The following CRADD variants were observed in gnomAD, a reference collection of about 807,000 sequenced individuals.
The protein encoded by CRADD is death domain-containing protein CRADD.
In CRADD, 9 loss-of-function variants were observed where a neutral mutation model predicts 15.5. That is an observed-to-expected ratio of 0.58 (90% confidence interval 0.35 to 1.01). The LOEUF is 1.01. CRADD is among the 50% of genes least tolerant of loss of function. The pLI, the probability that CRADD is intolerant of heterozygous loss-of-function variation, is 0.02. For synonymous variants in CRADD, 118 were observed against 107.6 expected, an observed-to-expected ratio of 1.10 and a Z score of -0.60; for missense variants, 227 against 250.3, an observed-to-expected ratio of 0.91 and a Z score of 0.63.
chr12:93,829,609 A>C (rs1159205019), intron 2 of CRADD, among the ~76,000 whole-genome samples: 7 of 152,210 alleles, frequency 4.6e-5, no homozygotes, highest in Non-Finnish European at 1.0e-4. Flanking sequence ...CATTGCTACC[A>C]CTGTGCAGCC....
chr12:93,849,985 G>A lies in CRADD; in HGVS notation c.314G>A (p.Gly105Glu). Residue 105 changes from glycine to glutamate, a missense_variant, in exon 3 of 3, where the codon GGG (glycine) becomes GAG (glutamate). By Grantham distance (98) the Gly-to-Glu change is moderately conservative. Transcript: ENST00000332896. Reference protein sequence around the residue: ...TDLPAGDRLTGIPSHILNSSP... With the variant: ...TDLPAGDRLTEIPSHILNSSP... ...TCCTCCTCAGGTGACAGATTGACTG[G>A]GATCCCCTCGCACATCCTCAACAGC... 2 of 1,604,250 alleles carry A rather than the reference G, an allele frequency of 1.2e-6. No homozygotes were observed. Among genetic ancestry groups the A allele is most frequent in the African/African-American group, 2.7e-5 (2 of 74,766 alleles).
At chr12:93,746,718 T>G (rs1384400103) in intron 2 of CRADD, among the ~76,000 whole-genome samples, 3 of 152,156 alleles carry the variant, frequency 2.0e-5, no homozygotes, top group Non-Finnish European at 1.5e-5. Context: ...AGGTTAAATC[T>G]GAATAAATAC....
intron 2 of CRADD, among the ~76,000 whole-genome samples, chr12:93,748,470 G>A (rs1008370351): frequency 1.3e-5 from 2 of 152,116 alleles, no homozygotes; most frequent in African/African-American, 4.8e-5. Context: ...ACCACACCAG[G>A]CTAATTTTGT....
intron 2 of CRADD, among the ~76,000 whole-genome samples, chr12:93,875,647 C>A (rs1565946113): frequency 6.6e-6 from 1 of 152,040 alleles, no homozygotes; most frequent in Admixed American, 6.6e-5. Flanking sequence ...CTGATACCAA[C>A]ACTGTTTGCA....
intron 2 of CRADD, chr12:93,849,118 G>A (rs910463380): frequency 7.2e-5 from 11 of 152,190 alleles, no homozygotes; most frequent in African/African-American, 1.2e-4. Context: ...CAACCTCATC[G>A]GCGAGGGTAG....
chr12:93,885,756 G>A (rs1360581783), intron 2 of CRADD, among the ~76,000 whole-genome samples: 1 of 152,128 alleles, frequency 6.6e-6, no homozygotes, highest in Non-Finnish European at 1.5e-5. Context: ...ATCTCTGTAG[G>A]GGCCAGGCAC....
chr12:93,746,045 G>A (rs1005907655), intron 2 of CRADD, among the ~76,000 whole-genome samples: 1 of 152,258 alleles, frequency 6.6e-6, no homozygotes, highest in African/African-American at 2.4e-5. Context: ...GGATGAATAG[G>A]GTTAGGGCAA....
chr12:93,780,342 G>T (rs1444552061), intron 2 of CRADD, among the ~76,000 whole-genome samples: 1 of 152,214 alleles, frequency 6.6e-6, no homozygotes, highest in Admixed American at 6.5e-5. Flanking sequence ...ACTGAGTACT[G>T]TAAAAGAGAA....
chr12:93,878,243 G>T (rs181596798), intron 2 of CRADD, among the ~76,000 whole-genome samples: 1 of 152,276 alleles, frequency 6.6e-6, no homozygotes, highest in African/African-American at 2.4e-5. Flanking sequence ...CTGGGGAGTG[G>T]GTCCCTCCTG....
intron 2 of CRADD, among the ~76,000 whole-genome samples, chr12:93,793,898 A>G (rs1318342629): frequency 1.3e-5 from 2 of 151,662 alleles, no homozygotes; most frequent in African/African-American, 2.4e-5. Context: ...TCTAAAAGGA[A>G]CTCTCTGTAT....
rs113951818 is a variant in CRADD at position 93,823,206 on chromosome 12, C to T, written c.299-26764C>T. Among the ~76,000 whole-genome samples, 1,195 of 151,616 alleles carry T rather than the reference C, an allele frequency of 7.9e-3. 11 individuals carry two copies. The highest frequency in any genetic ancestry group is 0.027 in the African/African-American group (1,122 of 41,276). ...ACTCAGGAGGCTGAAACAGGAGAAT[C>T]GCTTGAACCCAGGAGGTGGAAGTTG... On this transcript the variant is annotated intron_variant, in intron 2 of 2. Coordinates refer to ENST00000332896, the MANE Select transcript of CRADD (RefSeq NM_003805.5).
intron 2 of CRADD, among the ~76,000 whole-genome samples, chr12:93,884,885 G>A (rs980206752): frequency 3.3e-5 from 5 of 152,096 alleles, no homozygotes; most frequent in African/African-American, 4.8e-5. Flanking sequence ...TTGTCCACCC[G>A]AATGCATAGA....
chr12:93,739,133 C>T (rs1956631029), intron 2 of CRADD, among the ~76,000 whole-genome samples: 1 of 152,100 alleles, frequency 6.6e-6, no homozygotes. Flanking sequence ...CCAAACTTGG[C>T]AGTGGTCAGG....
At chr12:93,845,153 G>A (rs1426163772) in intron 2 of CRADD, among the ~76,000 whole-genome samples, 1 of 152,140 alleles carries the variant, frequency 6.6e-6, no homozygotes, top group East Asian at 1.9e-4. Flanking sequence ...AGAGGACAGA[G>A]TATAGAGCCC....
chr12:93,888,158 G>A (rs1395684659), intron 2 of CRADD, among the ~76,000 whole-genome samples: 1 of 152,190 alleles, frequency 6.6e-6, no homozygotes, highest in East Asian at 1.9e-4. Flanking sequence ...GGGCGCGGTG[G>A]CTTATGCCTG....
chr12:93,717,378 A>G lies in CRADD; in HGVS notation c.298+38306A>G, dbSNP rs982854981. 2.0e-5 allele frequency among the ~76,000 whole-genome samples: 3 copies of G among 152,142 alleles called. No individual in the cohort carries two copies. In the East Asian group the frequency reaches 5.8e-4, roughly 29 times the overall value. ...GAGCACACTTTTTAATTTTAATGAA[A>G]TCTAGCTTATCAATTATTTCTTTCA... On this transcript the variant is annotated intron_variant, in intron 2 of 2. Transcript: ENST00000332896.
At chr12:93,744,226 C>G (rs892321026) in intron 2 of CRADD, among the ~76,000 whole-genome samples, 1 of 152,180 alleles carries the variant, frequency 6.6e-6, no homozygotes, top group Non-Finnish European at 1.5e-5. Flanking sequence ...TGTAGGCCTT[C>G]CAGGGGAGAA....
chr12:93,678,718 G>T (rs1052669218), intron 1 of CRADD, 51 bp from the exon 2 acceptor site: 11 of 1,567,544 alleles, frequency 7.0e-6, no homozygotes, highest in Non-Finnish European at 9.5e-6. Flanking sequence ...ACTGTCTTTA[G>T]GGCCACATCA....
At chr12:93,825,062 AG>A (rs1376460847) in intron 2 of CRADD, among the ~76,000 whole-genome samples, 1 of 152,200 alleles carries the variant, frequency 6.6e-6, no homozygotes, top group African/African-American at 2.4e-5. Context: ...TGATGAGGGC[AG>A]TTTCCCTCAG....
Sources: allele counts gnomAD v4.1 joint callset (sites outside exome capture counted in the v4.1 genomes callset), GRCh38; gene constraint gnomAD v4.1.1; transcripts MANE v1.5; gene names NCBI Gene and HGNC (gene_info 2026-07-23, HGNC 2026-07-21).